CNKSR2: variants seen among roughly 807,000 people sequenced by gnomAD.
CNKSR2 encodes connector enhancer of kinase suppressor of Ras 2, also known as CNK homolog protein 2.
CNKSR2 carries 14 observed loss-of-function variants against 84.4 expected under a neutral mutation model. That is an observed-to-expected ratio of 0.17 (90% CI 0.11 to 0.26). The LOEUF (loss-of-function observed/expected upper bound fraction) is 0.26. Ranked by LOEUF, CNKSR2 falls within the 10% of genes least tolerant of loss-of-function variation. The pLI, the probability that CNKSR2 is intolerant of heterozygous loss-of-function variation, is 1.00. For missense variants in CNKSR2, 485 were observed against 771.2 expected (o/e 0.63, Z 4.40); for synonymous variants, 275 against 277.9 (o/e 0.99, Z 0.10).
At chrX:21,584,593 G>T (rs923289639) in intron 13 of CNKSR2, among the ~76,000 whole-genome samples, 2 of 112,201 alleles carry the variant, frequency 1.8e-5, no homozygotes, top group Non-Finnish European at 1.9e-5. Context: ...GGAAGCTTGG[G>T]TAGAATTTAC....
chrX:21,456,484 T>A (rs890394100), intron 4 of CNKSR2, among the ~76,000 whole-genome samples: 1 of 112,045 alleles, frequency 8.9e-6, no homozygotes, highest in East Asian at 2.8e-4. Context: ...TATGTCTGGC[T>A]TATTTCATTT....
intron 1 of CNKSR2, among the ~76,000 whole-genome samples, chrX:21,375,723 C>T (rs1465990263): frequency 8.9e-6 from 1 of 112,251 alleles, no homozygotes; most frequent in African/African-American, 3.2e-5. Flanking sequence ...TAAGGTGATG[C>T]GCATTCAGGT....
At position 21,609,535 on chromosome X, in the gene CNKSR2, C is replaced by T. The variant is rs139219013; in HGVS notation, c.2610C>T (p.Asp870=). ...TTAGTGCCTGTGACCCACAGGATGA[C>T]GTGCAACCCCCAGAGGTGGAGGAAG... ...APVSACDPQD[D]VQPPEVEEEE... Residue 870 remains aspartate (D), a synonymous_variant, in exon 20 of 22, where the codon GAC becomes GAT. Coordinates refer to ENST00000379510, the MANE Select transcript of CNKSR2 (RefSeq NM_014927.5). The T allele has an allele frequency of 2.3e-4, 283 of 1,208,037 alleles. No individual in the cohort carries two copies. The African/African-American group carries it at 3.3e-3, about 14-fold the overall frequency.
At chrX:21,402,541 A>T (rs1168524881) in intron 1 of CNKSR2, among the ~76,000 whole-genome samples, 1 of 111,338 alleles carries the variant, frequency 9.0e-6, no homozygotes, top group Non-Finnish European at 1.9e-5. Context: ...ATACATTTTT[A>T]GTATCTTAGA....
At position 21,450,032 on chromosome X, in the gene CNKSR2, C is replaced by T. The variant is rs182683603; in HGVS notation, c.519+9251C>T. Among the ~76,000 whole-genome samples, 129 of 110,756 alleles carry T rather than the reference C, an allele frequency of 1.2e-3. 2 individuals are homozygous for T. The highest frequency in any genetic ancestry group is 4.0e-3 in the African/African-American group (121 of 30,141). On this transcript the variant is annotated intron_variant, in intron 4 of 21. Coordinates refer to ENST00000379510, the MANE Select transcript of CNKSR2 (RefSeq NM_014927.5). ...AACAATATTTTTTATTTGAATGTAA[C>T]CTCTCTCTCCTCAATACTGAAGTGT...
intron 1 of CNKSR2, chrX:21,423,291 C>A (rs1430814117): frequency 9.0e-6 from 1 of 111,229 alleles, no homozygotes; most frequent in Non-Finnish European, 1.9e-5. Context: ...TGGGTTTAGA[C>A]CTTGCCTTAC....
Position 21,374,660 on chromosome X carries a change from T to C in CNKSR2, c.-238T>C. 2.0e-6 allele frequency: 1 copy of C among 511,468 alleles called. No individual in the cohort carries two copies. The highest frequency in any genetic ancestry group is 3.5e-6 in the Non-Finnish European group (1 of 289,071). 42.2% of individuals were successfully genotyped at this position (511,468 alleles called of 1,213,427 possible). Reference sequence around the variant, plus strand: ...CCGCCGCCGCCGCCTTAGCGGGAACTGAGCAGACCCGGCGCGGAGCCACGA... The same window carrying C: ...CCGCCGCCGCCGCCTTAGCGGGAACCGAGCAGACCCGGCGCGGAGCCACGA... On this transcript the variant is annotated 5_prime_UTR_variant, in exon 1 of 22. Transcript: ENST00000379510.
At chrX:21,485,087 G>A (rs1265241842) in intron 5 of CNKSR2, among the ~76,000 whole-genome samples, 1 of 110,878 alleles carries the variant, frequency 9.0e-6, no homozygotes, top group Non-Finnish European at 1.9e-5. Context: ...GGAGGCTGAG[G>A]CAGGAGAATA....
At chrX:21,589,750 A>G (rs2092409282) in intron 13 of CNKSR2, among the ~76,000 whole-genome samples, 1 of 111,859 alleles carries the variant, frequency 8.9e-6, no homozygotes, top group African/African-American at 3.3e-5. Flanking sequence ...CTTGGCAAGT[A>G]TGATGCAGCG....
intron 11 of CNKSR2, among the ~76,000 whole-genome samples, chrX:21,554,836 T>A (rs966550954): frequency 9.0e-6 from 1 of 111,285 alleles, no homozygotes; most frequent in Non-Finnish European, 1.9e-5. Flanking sequence ...TCTATTCCTG[T>A]GGGTATATAC....
intron 1 of CNKSR2, among the ~76,000 whole-genome samples, chrX:21,387,942 C>G (rs1210818841): frequency 9.0e-6 from 1 of 110,903 alleles, no homozygotes; most frequent in Non-Finnish European, 1.9e-5. Context: ...CTCTGTCGCC[C>G]AGGCTGAAGT....
Position 21,449,031 on chromosome X carries a change from G to A in CNKSR2, c.519+8250G>A, listed in dbSNP as rs775489353. 2.5e-4 allele frequency among the ~76,000 whole-genome samples: 28 copies of A among 111,567 alleles called. No individual in the cohort carries two copies. The South Asian group carries it at 9.8e-3, about 39-fold the overall frequency. Reference sequence around the variant, plus strand: ...CTGTTAAAACCAGATTGGGCCAGGCGCGTTGGCTCATGCCTGTAATCCCAG... The same window carrying A: ...CTGTTAAAACCAGATTGGGCCAGGCACGTTGGCTCATGCCTGTAATCCCAG... On this transcript the variant is annotated intron_variant, in intron 4 of 21. Transcript: ENST00000379510.
intron 19 of CNKSR2, among the ~76,000 whole-genome samples, chrX:21,607,477 G>A (rs1383367387): frequency 2.7e-5 from 3 of 111,448 alleles, no homozygotes; most frequent in Non-Finnish European, 5.6e-5. Context: ...ATTACCAAGA[G>A]TGTCTCAGTA....
chrX:21,617,532 C>G (rs1340244790), intron 20 of CNKSR2, among the ~76,000 whole-genome samples: 1 of 111,757 alleles, frequency 8.9e-6, no homozygotes. Context: ...TGCAAAGCCA[C>G]CTTCTCTTTT....
chrX:21,460,418 T>G (rs1321487022), intron 4 of CNKSR2, among the ~76,000 whole-genome samples: 1 of 111,921 alleles, frequency 8.9e-6, no homozygotes, highest in Non-Finnish European at 1.9e-5. Context: ...AAATTTTTTG[T>G]GGATACGTAG....
intron 8 of CNKSR2, among the ~76,000 whole-genome samples, chrX:21,508,698 T>C (rs1236724675): frequency 1.8e-5 from 2 of 111,864 alleles, no homozygotes; most frequent in African/African-American, 6.5e-5. Context: ...TTCAAGATGC[T>C]GAACTATACC....
At chrX:21,566,774 A>G (rs940259073) in intron 13 of CNKSR2, among the ~76,000 whole-genome samples, 1 of 111,677 alleles carries the variant, frequency 9.0e-6, no homozygotes, top group Non-Finnish European at 1.9e-5. Context: ...GCACACCTAG[A>G]GTATAGTCTT....
chrX:21,631,937 T>C (rs958546163), intron 20 of CNKSR2, among the ~76,000 whole-genome samples: 2 of 112,215 alleles, frequency 1.8e-5, no homozygotes, highest in African/African-American at 6.5e-5. Flanking sequence ...TTTTCAGTGA[T>C]AATTCTTAGG....
chrX:21,443,226 C>A (rs2090809144), intron 4 of CNKSR2, among the ~76,000 whole-genome samples: 1 of 110,627 alleles, frequency 9.0e-6, no homozygotes, highest in Non-Finnish European at 1.9e-5. Flanking sequence ...ATATTATTTA[C>A]AAAAATGGGT....
Sources: gnomAD v4.1 joint callset for allele counts (sites outside exome capture counted in the v4.1 genomes callset) on GRCh38, gnomAD v4.1.1 for gene constraint, MANE v1.5 for transcripts, NCBI Gene and HGNC (gene_info 2026-07-23, HGNC 2026-07-21) for gene names.